PER2: variants seen among roughly 807,000 people sequenced by gnomAD.
PER2 encodes the protein period circadian protein homolog 2.
PER2 carries 66 observed loss-of-function variants against 121.0 expected under a neutral mutation model. That is an observed-to-expected ratio of 0.55 (90% CI 0.45 to 0.67). The LOEUF (loss-of-function observed/expected upper bound fraction) is 0.67, where lower values mean the gene tolerates loss of function less well. Ranked by LOEUF, PER2 falls within the 30% of genes least tolerant of loss-of-function variation. The probability of loss-of-function intolerance (pLI) is 0.00; values close to 1 mark genes in which losing one functional copy is unlikely to be tolerated. For synonymous variants in PER2, 684 were observed against 659.9 expected, an observed-to-expected ratio of 1.04 and a Z score of -0.56; for missense variants, 1,521 against 1,635.0, an observed-to-expected ratio of 0.93 and a Z score of 1.20.
chr2:238,279,506 G>A (rs1042705663), intron 1 of PER2, among the ~76,000 whole-genome samples: 1 of 152,192 alleles, frequency 6.6e-6, no homozygotes, highest in African/African-American at 2.4e-5. Flanking sequence ...GCTGTGTGGG[G>A]GCCTCCTGCT....
chr2:238,297,253 C>T, the PER2 span, among the ~76,000 whole-genome samples: 8 of 152,098 alleles, frequency 5.3e-5, no homozygotes, highest in African/African-American at 7.2e-5. Context: ...AAGGGGCTCT[C>T]GGGAGGAAAG....
In PER2 at chr2:238,246,405, G is replaced by A. The variant is rs1420594661; in HGVS notation, c.3738C>T (p.Pro1246=). The part of the protein sequence containing the change: ...SDTKEDENGS[P]LNHRIEEQT ...TCTGCTCTTCGATCCTGTGATTCAA[G>A]GGGGATCCATTTTCGTCTTCTTTGG... is the stretch of plus-strand genomic sequence containing the variant. The change falls in exon 23 of 23, where the codon CCC becomes CCT. Residue 1246 remains proline (P), a synonymous_variant. Transcript: ENST00000254657. 5 of 1,612,140 alleles carry A rather than the reference G, an allele frequency of 3.1e-6. No individual in the cohort carries two copies. The highest frequency in any genetic ancestry group is 4.2e-6 in the Non-Finnish European group (5 of 1,178,886).
At chr2:238,261,616 A>C (rs1347953213) in intron 12 of PER2, 113 bp downstream of exon 12, 1 of 730,262 alleles carries the variant, frequency 1.4e-6, no homozygotes, top group Non-Finnish European at 2.4e-6. Flanking sequence ...TCAGAGAATG[A>C]CAGATGAAGC....
Position 238,258,346 on chromosome 2 carries a change from T to C in PER2, c.1830A>G (p.Pro610=), listed in dbSNP as rs768537743. Residue 610 remains proline (P), a synonymous_variant, in exon 16 of 23, where the codon CCA becomes CCG. Coordinates refer to ENST00000254657, the MANE Select transcript of PER2 (RefSeq NM_022817.3). ...TGGACCTTAGCGCTGGGACGTTTGC[T>C]GGGAACTCGCATTTCCTCTTCAGGG... ...AATLKRKCEF[P]ANVPALRSSD... is the part of the protein sequence containing the mutation. The C allele has an allele frequency of 1.9e-6, 3 of 1,614,196 alleles. No individual in the cohort carries two copies. The Admixed American group carries it at 5.0e-5, about 27-fold the overall frequency.
intron 1 of PER2, among the ~76,000 whole-genome samples, chr2:238,281,065 G>C (rs925307664): frequency 6.6e-6 from 1 of 150,714 alleles, no homozygotes; most frequent in Non-Finnish European, 1.5e-5. Flanking sequence ...GTGCAGTGGC[G>C]CAATCTCGGC....
rs1439271812 is a variant in PER2 at position 238,251,642 on chromosome 2, CAG to C, written c.3229_3230del (p.Leu1077GlyfsTer17). On this transcript the variant is annotated frameshift_variant, in exon 20 of 23. Coordinates refer to ENST00000254657, the MANE Select transcript of PER2 (RefSeq NM_022817.3). LOFTEE classifies it high-confidence loss of function. Reference protein sequence around the residue: ...SASGSAASESLGSGSLGCDAS... With the variant: ...SASGSAASESXGSGSLGCDAS... ...CGTCGCAGCCCAGTGAGCCGGAGCC[CAG>C]AGACTCCGAAGCAGCAGAGCCCGAG... 6.2e-7 allele frequency: 1 copy of C among 1,614,154 alleles called. No individual in the cohort carries two copies. Among genetic ancestry groups the C allele is most frequent in the South Asian group, 1.1e-5 (1 of 91,084 alleles).
chr2:238,297,017 G>C, the PER2 span, among the ~76,000 whole-genome samples: 1 of 152,180 alleles, frequency 6.6e-6, no homozygotes, highest in African/African-American at 2.4e-5. Flanking sequence ...GTTTTTCCAG[G>C]CTGGTGTGTG....
At chr2:238,285,982 T>C (rs1055218344) in intron 1 of PER2, among the ~76,000 whole-genome samples, 5 of 152,080 alleles carry the variant, frequency 3.3e-5, no homozygotes, top group Non-Finnish European at 7.4e-5. Context: ...ATGGCAACGG[T>C]TGGGTAACTG....
Position 238,252,989 on chromosome 2 carries a change from C to G in PER2, c.3034G>C (p.Ala1012Pro). 6.2e-7 allele frequency: 1 copy of G among 1,613,994 alleles called. No homozygotes were observed. The highest frequency in any genetic ancestry group is 8.5e-7 in the Non-Finnish European group (1 of 1,180,022). ...GGTGAMGTTG[A>P]TETAAVGADC... is the part of the protein sequence containing the mutation. Reference sequence around the variant, plus strand: ...GCCCCTACAGCTGCTGTCTCTGTGGCCCCTGTGGTCCCCATGGCTCCAGTG... The same window carrying G: ...GCCCCTACAGCTGCTGTCTCTGTGGGCCCTGTGGTCCCCATGGCTCCAGTG... Residue 1012 changes from alanine to proline, a missense_variant, in exon 19 of 23, where the codon GCC becomes CCC. Physicochemically the swap from Ala to Pro is conservative, Grantham distance 27. Coordinates refer to ENST00000254657, the MANE Select transcript of PER2 (RefSeq NM_022817.3). The surrounding 1 kb of genome is among the most constrained non-coding windows in gnomAD (Gnocchi z 4.2).
At chr2:238,262,817 C>T (rs989979176) in intron 10 of PER2, 135 bp downstream of exon 10, 17 of 701,264 alleles carry the variant, frequency 2.4e-5, no homozygotes, top group African/African-American at 1.6e-4. Context: ...AGGGAGGCGG[C>T]GAGGCGGGCG....
intron 22 of PER2, chr2:238,248,834 T>C: frequency 2.0e-6 from 1 of 493,682 alleles, no homozygotes; most frequent in Non-Finnish European, 3.8e-6. Context: ...TTTTTGTATT[T>C]TTAGTAGAGA....
At chr2:238,270,680 C>T (rs1394479241) in intron 6 of PER2, among the ~76,000 whole-genome samples, 1 of 152,232 alleles carries the variant, frequency 6.6e-6, no homozygotes, top group Non-Finnish European at 1.5e-5. Flanking sequence ...GCTCCAGGGA[C>T]TAGACCAGAC....
the PER2 span, among the ~76,000 whole-genome samples, chr2:238,297,316 C>T: frequency 6.6e-6 from 1 of 152,164 alleles, no homozygotes; most frequent in East Asian, 1.9e-4. Flanking sequence ...GAGAAGCTAT[C>T]AAGAGGAGGA....
At chr2:238,256,618 A>G (rs1695767820) in intron 17 of PER2, among the ~76,000 whole-genome samples, 1 of 152,188 alleles carries the variant, frequency 6.6e-6, no homozygotes, top group Admixed American at 6.5e-5. Context: ...CCTCGCTCCC[A>G]GTGCTCTCCG....
Position 238,246,309 on chromosome 2 carries a change from T to G in PER2, c.*66A>C. On this transcript the variant is annotated 3_prime_UTR_variant, in exon 23 of 23. Transcript: ENST00000254657. ...ATTTCAGTGGAAACAGCCATGAAGA[T>G]CTTTCATCTCTTCCAAGCACCACCT... The G allele has an allele frequency of 8.4e-7, 1 of 1,196,976 alleles. No homozygotes were observed. Among genetic ancestry groups the G allele is most frequent in the South Asian group, 1.5e-5 (1 of 65,746 alleles). 74.1% of individuals were successfully genotyped at this position (1,196,976 alleles called of 1,614,324 possible). A position where few individuals can be genotyped will look rare whatever the true frequency, so the allele number is the denominator to read the frequency against.
chr2:238,255,939 T>C, intron 17 of PER2, 28 bp from the exon 18 acceptor site: 1 of 1,613,936 alleles, frequency 6.2e-7, no homozygotes, highest in Non-Finnish European at 8.5e-7. Flanking sequence ...AGGGCTCTGG[T>C]CCACACGTGC....
chr2:238,250,885 C>T (rs1695579945), intron 20 of PER2, 142 bp from the exon 21 acceptor site: 2 of 668,670 alleles, frequency 3.0e-6, no homozygotes, highest in East Asian at 2.7e-5. Flanking sequence ...TGCATGTTCC[C>T]CTTCTCTCCC....
chr2:238,278,308 C>T (rs1005121208), intron 1 of PER2, among the ~76,000 whole-genome samples: 1 of 152,126 alleles, frequency 6.6e-6, no homozygotes, highest in Non-Finnish European at 1.5e-5. Flanking sequence ...TGAAGTCAAG[C>T]GATCTGCCCG....
intron 18 of PER2, 171 bp downstream of exon 18, chr2:238,255,486 G>T: frequency 2.8e-6 from 2 of 725,228 alleles, no homozygotes; most frequent in Non-Finnish European, 4.9e-6. Context: ...GCACCCCCCC[G>T]GTGGGAAGTT....
Sources: allele counts gnomAD v4.1 joint callset (sites outside exome capture counted in the v4.1 genomes callset), GRCh38; gene constraint gnomAD v4.1.1; non-coding constraint Gnocchi (gnomAD v3.1); transcripts MANE v1.5; gene names NCBI Gene and HGNC (gene_info 2026-07-23, HGNC 2026-07-21).